The following BCL2L13 variants were observed in gnomAD, a reference collection of about 807,000 sequenced individuals.
BCL2L13 encodes the protein BCL2 like 13, also known as bcl-2-like protein 13.
BCL2L13 carries 13 observed loss-of-function variants against 25.8 expected under a neutral mutation model. The ratio of observed to expected loss-of-function variants is 0.50; its 90% CI spans 0.33 to 0.80. The LOEUF (loss-of-function observed/expected upper bound fraction) is 0.80, where lower values mean the gene tolerates loss of function less well. Among genes scored for constraint, BCL2L13 ranks in the 30% least tolerant of loss-of-function variants. BCL2L13 has a pLI of 0.02. For synonymous variants in BCL2L13, 244 were observed against 230.3 expected, an observed-to-expected ratio of 1.06 and a Z score of -0.54; for missense variants, 504 against 574.9, an observed-to-expected ratio of 0.88 and a Z score of 1.26.
intron 3 of BCL2L13, among the ~76,000 whole-genome samples, chr22:17,684,861 T>C (rs1291576169): frequency 2.6e-5 from 4 of 151,870 alleles, no homozygotes; most frequent in African/African-American, 9.7e-5. Flanking sequence ...GCCTCCCGAG[T>C]AGCTGGGACT....
upstream of BCL2L13, among the ~76,000 whole-genome samples, chr22:17,633,722 A>G (rs2058064130): frequency 6.6e-6 from 1 of 152,206 alleles, no homozygotes; most frequent in Non-Finnish European, 1.5e-5. Flanking sequence ...AAAAGGAAAA[A>G]ACAAAGTGTA....
At chr22:17,638,580 C>A, upstream of BCL2L13, 1 of 879,188 alleles carries the variant, frequency 1.1e-6, no homozygotes, top group Non-Finnish European at 1.5e-6. Context: ...AACTTCCGAA[C>A]GTCGCAATCA....
intron 3 of BCL2L13, 74 bp downstream of exon 3, chr22:17,683,395 T>G: frequency 1.2e-6 from 1 of 854,792 alleles, no homozygotes; most frequent in South Asian, 1.6e-5. Context: ...TTAATTTGAT[T>G]TTTACAGTGG....
chr22:17,702,054 C>T (rs2060453810), intron 5 of BCL2L13, among the ~76,000 whole-genome samples, 189 bp from the exon 6 acceptor site: 1 of 151,986 alleles, frequency 6.6e-6, no homozygotes, highest in Non-Finnish European at 1.5e-5. Flanking sequence ...TTCTACCTGC[C>T]TATTGTATAA....
At chr22:17,706,568 T>C in intron 6 of BCL2L13, 1 of 713,390 alleles carries the variant, frequency 1.4e-6, no homozygotes. Context: ...CTTTTACAAA[T>C]GCCAGGTTTT....
intron 6 of BCL2L13, chr22:17,706,580 A>C (rs917022331): frequency 2.3e-6 from 2 of 851,282 alleles, no homozygotes. Flanking sequence ...CCAGGTTTTC[A>C]CATGCGTCTC....
At chr22:17,715,411 G>A (rs376512115) in intron 6 of BCL2L13, among the ~76,000 whole-genome samples, 2 of 149,978 alleles carry the variant, frequency 1.3e-5, no homozygotes, top group African/African-American at 2.5e-5. Flanking sequence ...CGAACTCCTG[G>A]GCTCAAACAA....
In BCL2L13 at chr22:17,655,832, G is replaced by T; in HGVS notation, c.121G>T (p.Gly41Trp). ...AGAGCAACATCTTTCCTCACCCCAA[G>T]GTATTATCTTTGGCTTATGGTGGTT... is the stretch of plus-strand genomic sequence containing the variant. ...LQEQHLSSPQ[G>W]VQLDIASQSL... Residue 41 changes from glycine to tryptophan, a missense_variant and splice_region_variant, in exon 2 of 7, where the codon GGG (glycine) becomes TGG (tryptophan). Gly to Trp is a radical substitution (Grantham distance 184). Coordinates refer to ENST00000317582, the MANE Select transcript of BCL2L13 (RefSeq NM_015367.4). The T allele has an allele frequency of 6.2e-7, 1 of 1,609,634 alleles. No individual in the cohort carries two copies. The highest frequency in any genetic ancestry group is 8.5e-7 in the Non-Finnish European group (1 of 1,178,276).
At chr22:17,638,670 C>T (rs1370566242), upstream of BCL2L13, 3 of 1,231,586 alleles carry the variant, frequency 2.4e-6, no homozygotes, top group African/African-American at 1.6e-5. Context: ...TTGGTCGGTC[C>T]TTCCGCTCCG....
At position 17,727,264 on chromosome 22, in the gene BCL2L13, G is replaced by T; in HGVS notation, c.1188G>T (p.Glu396Asp). Reference protein sequence around the residue: ...KAATTEPTEVEEVVPALEPTE... With the variant: ...KAATTEPTEVDEVVPALEPTE... Reference sequence around the variant, plus strand: ...CAACAACTGAACCTACTGAAGTGGAGGAGGTGGTCCCCGCACTGGAACCCA... The same window carrying T: ...CAACAACTGAACCTACTGAAGTGGATGAGGTGGTCCCCGCACTGGAACCCA... The change falls in exon 7 of 7, where the codon GAG becomes GAT. Residue 396 changes from glutamate (E) to aspartate (D), a missense_variant. Physicochemically the swap from Glu to Asp is conservative, Grantham distance 45. Coordinates refer to ENST00000317582, the MANE Select transcript of BCL2L13 (RefSeq NM_015367.4). The T allele has an allele frequency of 6.2e-7, 1 of 1,614,266 alleles. No homozygotes were observed. The highest frequency in any genetic ancestry group is 8.5e-7 in the Non-Finnish European group (1 of 1,180,050).
chr22:17,667,415 C>T (rs911121776), intron 2 of BCL2L13, among the ~76,000 whole-genome samples: 4 of 152,180 alleles, frequency 2.6e-5, no homozygotes, highest in Admixed American at 6.5e-5. Flanking sequence ...ATGTGATCTG[C>T]CCGCCTTGGC....
chr22:17,666,240 T>C (rs1024322041), intron 2 of BCL2L13, among the ~76,000 whole-genome samples: 7 of 152,014 alleles, frequency 4.6e-5, no homozygotes, highest in Non-Finnish European at 7.4e-5. Context: ...GAGTACATAG[T>C]AGGTGTATAT....
chr22:17,643,438 T>G (rs1376106202), intron 1 of BCL2L13, among the ~76,000 whole-genome samples: 3 of 151,906 alleles, frequency 2.0e-5, no homozygotes, highest in Non-Finnish European at 2.9e-5. Context: ...TTTTACTCTC[T>G]TTCAGAGAAA....
At chr22:17,723,734 A>C (rs138942952) in intron 6 of BCL2L13, among the ~76,000 whole-genome samples, 2,237 of 152,206 alleles carry the variant, frequency 0.015, 57 homozygotes, top group African/African-American at 0.05. Context: ...AGAGATTGAG[A>C]CCATCCTGGC....
chr22:17,678,560 A>G (rs1202436843), intron 2 of BCL2L13, among the ~76,000 whole-genome samples: 2 of 152,144 alleles, frequency 1.3e-5, no homozygotes, highest in Non-Finnish European at 1.5e-5. Context: ...GAACCTATCC[A>G]AGCTTCAGTT....
At chr22:17,679,827 G>GT (rs1367839604) in intron 2 of BCL2L13, among the ~76,000 whole-genome samples, 1 of 151,934 alleles carries the variant, frequency 6.6e-6, no homozygotes, top group Non-Finnish European at 1.5e-5. Context: ...TTCTTTGTTC[G>GT]TTTTTTCCCC....
chr22:17,692,528 T>C (rs2060134013), intron 4 of BCL2L13: 3 of 152,242 alleles, frequency 2.0e-5, no homozygotes, highest in Admixed American at 1.3e-4. Flanking sequence ...GTTCAAGGTT[T>C]ACACGAATCT....
chr22:17,721,536 T>TTTTA (rs2061132157), intron 6 of BCL2L13, among the ~76,000 whole-genome samples: 1 of 149,022 alleles, frequency 6.7e-6, no homozygotes, highest in African/African-American at 2.5e-5. Flanking sequence ...TTTTTTTTTT[T>TTTTA]TTTTTTTGAG....
intron 6 of BCL2L13, among the ~76,000 whole-genome samples, chr22:17,721,716 G>A (rs930490997): frequency 6.6e-6 from 1 of 152,044 alleles, no homozygotes; most frequent in Non-Finnish European, 1.5e-5. Flanking sequence ...AGTAGAGGCA[G>A]GGTTTTGCCA....
Sources: allele counts gnomAD v4.1 joint callset (sites outside exome capture counted in the v4.1 genomes callset), GRCh38; gene constraint gnomAD v4.1.1; transcripts MANE v1.5; gene names NCBI Gene and HGNC (gene_info 2026-07-23, HGNC 2026-07-21).